SPAG9: variants seen among roughly 807,000 people sequenced by gnomAD.
The protein encoded by SPAG9 is sperm associated antigen 9.
A neutral mutation model predicts 166.5 loss-of-function variants in SPAG9; 35 were observed. That is an observed-to-expected ratio of 0.21 (90% CI 0.16 to 0.28). The LOEUF (loss-of-function observed/expected upper bound fraction) is 0.28. Ranked by LOEUF, SPAG9 falls within the 10% of genes least tolerant of loss-of-function variation. The pLI, the probability that SPAG9 is intolerant of heterozygous loss-of-function variation, is 1.00. For missense variants in SPAG9, 1,235 were observed against 1,603.3 expected, an observed-to-expected ratio of 0.77 and a Z score of 3.92; for synonymous variants, 534 against 565.5, an observed-to-expected ratio of 0.94 and a Z score of 0.79.
chr17:51,017,109 T>C (rs916123589), intron 8 of SPAG9, among the ~76,000 whole-genome samples: 1 of 152,164 alleles, frequency 6.6e-6, no homozygotes, highest in African/African-American at 2.4e-5. Flanking sequence ...ACAGCTAGCA[T>C]CACAGCCTTT....
At chr17:51,118,389 C>G (rs1190217807) in intron 1 of SPAG9, among the ~76,000 whole-genome samples, 2 of 152,146 alleles carry the variant, frequency 1.3e-5, no homozygotes, top group Non-Finnish European at 2.9e-5. Flanking sequence ...AGCAGTCGGG[C>G]AATTTTGTTT....
intron 1 of SPAG9, among the ~76,000 whole-genome samples, chr17:51,119,706 A>C (rs1320571926): frequency 6.6e-6 from 1 of 152,202 alleles, no homozygotes; most frequent in African/African-American, 2.4e-5. Context: ...CAAGGTTACA[A>C]CCTGATACGG....
At position 51,050,697 on chromosome 17, in the gene SPAG9, T is replaced by C. The variant is rs140133421; in HGVS notation, c.496-3228A>G. Among the ~76,000 whole-genome samples, 768 of 150,458 alleles carry C rather than the reference T, an allele frequency of 5.1e-3. 7 individuals carry two copies. The highest frequency in any genetic ancestry group is 0.018 in the African/African-American group (736 of 40,856). On this transcript the variant is annotated intron_variant, in intron 3 of 29. Transcript: ENST00000262013. ...TTATACATAACAATTTAAATATTAA[T>C]AAGGCCTCACAGTATCACTCAGGTT...
In SPAG9 at chr17:50,984,973, A is replaced by G. The variant is rs762776211; in HGVS notation, c.3038T>C (p.Val1013Ala). ...ILSIVHVKGIVLVALADGTLA... is the reference protein window; with the variant it reads ...ILSIVHVKGIALVALADGTLA... ...GGTGCCGTCAGCCAGGGCTACTAAC[A>G]CGATTCCCTTCACGTGTCTGCAAAC... is the stretch of plus-strand genomic sequence containing the variant. The change falls in exon 24 of 30, where the codon GTG (valine) becomes GCG (alanine). Residue 1013 changes from valine (V) to alanine (A), a missense_variant. Val to Ala is a moderately conservative substitution (Grantham distance 64). Around this residue, in one of 6 missense-constraint regions of SPAG9, gnomAD observed 493 missense variants for 559.4 expected, o/e 0.88. Transcript: ENST00000262013. 2 of 1,614,154 alleles carry G rather than the reference A, an allele frequency of 1.2e-6. No individual in the cohort carries two copies. The highest frequency in any genetic ancestry group is 1.7e-6 in the Non-Finnish European group (2 of 1,180,002).
chr17:51,092,294 A>G (rs2048487433), intron 1 of SPAG9, among the ~76,000 whole-genome samples: 1 of 152,108 alleles, frequency 6.6e-6, no homozygotes, highest in Admixed American at 6.6e-5. Flanking sequence ...TTTAACACAA[A>G]TGATTTGGTT....
chr17:51,001,241 T>C (rs572536204), intron 13 of SPAG9, among the ~76,000 whole-genome samples: 1 of 152,316 alleles, frequency 6.6e-6, no homozygotes, highest in African/African-American at 2.4e-5. Context: ...AACCATTAGA[T>C]GGCAGCATTG....
intron 1 of SPAG9, among the ~76,000 whole-genome samples, chr17:51,083,637 C>T (rs1445343849): frequency 6.6e-6 from 1 of 151,688 alleles, no homozygotes; most frequent in African/African-American, 2.4e-5. Context: ...GAACTGCTGG[C>T]CTCAGACTCC....
intron 2 of SPAG9, among the ~76,000 whole-genome samples, chr17:51,077,192 C>T (rs955424478): frequency 3.3e-5 from 5 of 151,062 alleles, no homozygotes; most frequent in African/African-American, 9.7e-5. Context: ...GGTGTGATCT[C>T]GGCTCACTGC....
intron 2 of SPAG9, among the ~76,000 whole-genome samples, chr17:51,075,799 G>A (rs376358686): frequency 3.9e-5 from 6 of 152,192 alleles, no homozygotes; most frequent in East Asian, 3.9e-4. Flanking sequence ...ACTCCAGCCT[G>A]GGACACAGAG....
intron 1 of SPAG9, among the ~76,000 whole-genome samples, chr17:51,085,665 T>C (rs1400513901): frequency 1.3e-5 from 2 of 152,156 alleles, no homozygotes; most frequent in African/African-American, 4.8e-5. Context: ...TTCAAACAAA[T>C]TAAAACAGAT....
chr17:51,009,285 C>CA (rs1450167739), intron 9 of SPAG9: 2 of 333,590 alleles, frequency 6.0e-6, no homozygotes, highest in African/African-American at 4.4e-5. Context: ...TAACTAAACA[C>CA]AATGAAGTGT....
chr17:50,983,658 A>G (rs988465169), intron 24 of SPAG9, among the ~76,000 whole-genome samples: 1 of 152,164 alleles, frequency 6.6e-6, no homozygotes, highest in Non-Finnish European at 1.5e-5. Flanking sequence ...TATTCTGTCA[A>G]TATTATTTTG....
rs1009709603 is a variant in SPAG9 at position 50,970,957 on chromosome 17, T to C, written c.3701-101A>G. The C allele has an allele frequency of 1.6e-5, 15 of 919,926 alleles. No homozygotes were observed. The African/African-American group carries it at 2.0e-4, about 12-fold the overall frequency. The allele number at this position is 919,926 out of a possible 1,614,324, so 57.0% of individuals were successfully genotyped here. A position where few individuals can be genotyped will look rare whatever the true frequency, so the allele number is the denominator to read the frequency against. On this transcript the variant is annotated intron_variant, in intron 28 of 29. Transcript: ENST00000262013. The stretch of plus-strand genomic sequence containing the variant: ...TTTTAGAGTTAAACAAAAAGGTAAA[T>C]ATATTCTAATAACCAAATACTGGGG...
chr17:50,990,146 G>A lies in SPAG9; in HGVS notation c.2618-274C>T, dbSNP rs1225644489. 9 of 522,628 alleles carry A rather than the reference G, an allele frequency of 1.7e-5. No individual in the cohort carries two copies. In the African/African-American group the frequency reaches 1.7e-4, roughly 10 times the overall value. 32.4% of individuals were successfully genotyped at this position (522,628 alleles called of 1,614,324 possible). ...AGGTTCACGCCATTCTCCTGCCTCAGCCTCCCGAGTAGCTGGGACTACAGG... is the reference window on the plus strand; with the variant it reads ...AGGTTCACGCCATTCTCCTGCCTCAACCTCCCGAGTAGCTGGGACTACAGG... On this transcript the variant is annotated intron_variant, in intron 20 of 29. Transcript: ENST00000262013.
At chr17:50,998,423 A>G in intron 15 of SPAG9, 21 bp downstream of exon 15, 1 of 1,601,340 alleles carries the variant, frequency 6.2e-7, no homozygotes. Flanking sequence ...GAATATAATG[A>G]TTAATTTGGA....
chr17:51,072,969 T>C (rs945995460), intron 2 of SPAG9, among the ~76,000 whole-genome samples: 8 of 152,214 alleles, frequency 5.3e-5, no homozygotes, highest in African/African-American at 1.4e-4. Flanking sequence ...AGCAAGCAGA[T>C]TGTTGAGCCT....
At chr17:51,064,179 A>T (rs1474424004) in intron 2 of SPAG9, among the ~76,000 whole-genome samples, 1 of 152,184 alleles carries the variant, frequency 6.6e-6, no homozygotes. Context: ...CTGCTTAGTT[A>T]TATTCAGATG....
chr17:51,085,043 G>C (rs995871461), intron 1 of SPAG9, among the ~76,000 whole-genome samples: 11 of 151,810 alleles, frequency 7.2e-5, no homozygotes, highest in African/African-American at 2.2e-4. Context: ...TAGAGATGTG[G>C]TTTCACCTTG....
At chr17:51,076,917 T>C (rs1231502184) in intron 2 of SPAG9, among the ~76,000 whole-genome samples, 1 of 151,932 alleles carries the variant, frequency 6.6e-6, no homozygotes, top group East Asian at 1.9e-4. Context: ...TCCCAGCACT[T>C]TGAAGCCCAG....
Sources: allele counts gnomAD v4.1 joint callset (sites outside exome capture counted in the v4.1 genomes callset), GRCh38; gene constraint gnomAD v4.1.1; regional missense constraint gnomAD v4.1.1; transcripts MANE v1.5; gene names NCBI Gene and HGNC (gene_info 2026-07-23, HGNC 2026-07-21).